Variants in ZNF385D observed in about 807,000 individuals in gnomAD.
ZNF385D encodes zinc finger protein 659.
Under a neutral mutation model 35.8 loss-of-function variants are expected in ZNF385D, and 15 were observed. The ratio of observed to expected loss-of-function variants is 0.42; its 90% CI spans 0.28 to 0.64. The LOEUF (loss-of-function observed/expected upper bound fraction) is 0.64. ZNF385D is among the 30% of genes least tolerant of loss of function. The probability of loss-of-function intolerance (pLI) is 0.23; values close to 1 mark genes in which losing one functional copy is unlikely to be tolerated. For synonymous variants in ZNF385D, 212 were observed against 186.8 expected, an observed-to-expected ratio of 1.13 and a Z score of -1.10; for missense variants, 474 against 494.6, an observed-to-expected ratio of 0.96 and a Z score of 0.39.
intron 4 of ZNF385D, among the ~76,000 whole-genome samples, chr3:21,455,113 A>C (rs552702293): frequency 8.8e-4 from 134 of 152,362 alleles, no homozygotes; most frequent in African/African-American, 3.1e-3. Flanking sequence ...AGAACATTCC[A>C]CGCTCATGGA....
At chr3:21,882,523 G>C (rs1278743808) in intron 3 of ZNF385D, among the ~76,000 whole-genome samples, 1 of 152,012 alleles carries the variant, frequency 6.6e-6, no homozygotes, top group East Asian at 1.9e-4. Context: ...AAATGTGTGT[G>C]ACTCTCTTTA....
chr3:22,037,309 C>G (rs1368573724), intron 3 of ZNF385D, among the ~76,000 whole-genome samples: 3 of 145,494 alleles, frequency 2.1e-5, no homozygotes, highest in African/African-American at 7.4e-5. Flanking sequence ...AATGGTTGAA[C>G]TAGTTTACAG....
chr3:21,758,759 T>C (rs1205350601), intron 3 of ZNF385D, among the ~76,000 whole-genome samples: 1 of 152,058 alleles, frequency 6.6e-6, no homozygotes, highest in Non-Finnish European at 1.5e-5. Context: ...TCTTCTATTT[T>C]TTCCTTCACA....
intron 2 of ZNF385D, among the ~76,000 whole-genome samples, chr3:22,250,603 G>A (rs1700012928): frequency 6.6e-6 from 1 of 151,956 alleles, no homozygotes; most frequent in Non-Finnish European, 1.5e-5. Flanking sequence ...TGAAAATCTG[G>A]GACCCTGATT....
intron 2 of ZNF385D, among the ~76,000 whole-genome samples, chr3:22,251,203 C>T (rs1311051736): frequency 6.6e-6 from 1 of 152,168 alleles, no homozygotes; most frequent in Admixed American, 6.6e-5. Flanking sequence ...TTAAAGTAGA[C>T]GTGAAAAGAA....
Position 22,217,678 on chromosome 3 carries a change from A to C in ZNF385D, c.107-48643T>G, listed in dbSNP as rs555066898. On this transcript the variant is annotated intron_variant, in intron 2 of 5. Transcript: ENST00000494108. ...TTAATAACATTCTAAGGTACATTAC[A>C]TGTTATGGCAAATATAGAGAGCATA... Among the ~76,000 whole-genome samples the C allele has an allele frequency of 4.6e-5, 7 of 152,308 alleles. No individual in the cohort carries two copies. The South Asian group carries it at 1.5e-3, about 32-fold the overall frequency.
chr3:21,998,467 T>C (rs1695624169), intron 3 of ZNF385D, among the ~76,000 whole-genome samples: 1 of 152,210 alleles, frequency 6.6e-6, no homozygotes, highest in African/African-American at 2.4e-5. Flanking sequence ...AGCATATCTT[T>C]CAATTATAAA....
chr3:21,749,628 TA>T (rs1434333968), intron 1 of ZNF385D, among the ~76,000 whole-genome samples: 2 of 152,350 alleles, frequency 1.3e-5, no homozygotes, highest in Admixed American at 1.3e-4. Flanking sequence ...AGATTCTGCT[TA>T]AATTTGGCAA....
intron 3 of ZNF385D, among the ~76,000 whole-genome samples, chr3:22,117,018 A>T (rs1464652699): frequency 1.3e-5 from 2 of 151,976 alleles, no homozygotes; most frequent in Non-Finnish European, 2.9e-5. Context: ...AAGTTAAATA[A>T]ATTGTCCAGG....
At chr3:21,971,681 A>T (rs1273656186) in intron 3 of ZNF385D, among the ~76,000 whole-genome samples, 2 of 145,776 alleles carry the variant, frequency 1.4e-5, no homozygotes, top group East Asian at 2.0e-4. Flanking sequence ...CTGAATGAAT[A>T]AAAAAAAAAA....
chr3:21,814,379 G>C (rs1325581893), intron 3 of ZNF385D, among the ~76,000 whole-genome samples: 4 of 152,156 alleles, frequency 2.6e-5, no homozygotes, highest in African/African-American at 4.8e-5. Context: ...TGGGCTAAAT[G>C]CTCCAATTAA....
At chr3:21,812,397 C>T (rs2072960651) in intron 3 of ZNF385D, among the ~76,000 whole-genome samples, 12 of 152,260 alleles carry the variant, frequency 7.9e-5, no homozygotes, top group Admixed American at 7.9e-4. Flanking sequence ...CAGGGCGGGG[C>T]ACCGCCTCAC....
chr3:21,693,882 CT>C (rs555946193), intron 1 of ZNF385D, among the ~76,000 whole-genome samples: 226 of 118,344 alleles, frequency 1.9e-3, no homozygotes, highest in African/African-American at 3.9e-3. Flanking sequence ...CTTTTTTTTT[CT>C]TTTTTTTTTT....
At chr3:22,205,333 C>A (rs1454917507) in intron 2 of ZNF385D, among the ~76,000 whole-genome samples, 1 of 151,676 alleles carries the variant, frequency 6.6e-6, no homozygotes, top group Admixed American at 6.6e-5. Flanking sequence ...TGAGGGATTT[C>A]ATCAACACCA....
intron 3 of ZNF385D, among the ~76,000 whole-genome samples, chr3:21,913,706 C>T (rs11719664): frequency 0.075 from 11,369 of 152,106 alleles, 632 homozygotes; most frequent in South Asian, 0.23. Context: ...GTATCAGATG[C>T]TTGGCTTTCC....
chr3:22,261,060 A>C (rs559372181), intron 2 of ZNF385D, among the ~76,000 whole-genome samples: 13 of 152,066 alleles, frequency 8.5e-5, no homozygotes, highest in Middle Eastern at 3.4e-3. Context: ...AACTGAAATT[A>C]ATTTAATCAC....
chr3:21,561,017 G>C (rs1426306469), intron 3 of ZNF385D, among the ~76,000 whole-genome samples: 1 of 152,160 alleles, frequency 6.6e-6, no homozygotes, highest in Non-Finnish European at 1.5e-5. Context: ...GAGCATCCCA[G>C]GTCGACCTCA....
At chr3:21,727,840 T>C (rs1297631047) in intron 1 of ZNF385D, among the ~76,000 whole-genome samples, 1 of 152,198 alleles carries the variant, frequency 6.6e-6, no homozygotes, top group Non-Finnish European at 1.5e-5. Context: ...TTATAAATCA[T>C]TCAACTATAA....
intron 2 of ZNF385D, among the ~76,000 whole-genome samples, chr3:22,359,161 A>G (rs2125508801): frequency 6.6e-6 from 1 of 151,988 alleles, no homozygotes; most frequent in East Asian, 1.9e-4. Flanking sequence ...AACAAAATGA[A>G]AATCCAATGT....
Sources: allele counts gnomAD v4.1 joint callset (sites outside exome capture counted in the v4.1 genomes callset), GRCh38; gene constraint gnomAD v4.1.1; transcripts MANE v1.5; gene names NCBI Gene and HGNC (gene_info 2026-07-23, HGNC 2026-07-21).